Variants in DPF1 observed in about 807,000 individuals in gnomAD.
The protein encoded by DPF1 is double PHD fingers 1, also known as zinc finger protein neuro-d4.
DPF1 carries 14 observed loss-of-function variants against 58.7 expected under a neutral mutation model. The ratio of observed to expected loss-of-function variants is 0.24; its 90% CI spans 0.16 to 0.37. The LOEUF (loss-of-function observed/expected upper bound fraction) is 0.37, where lower values mean the gene tolerates loss of function less well. Ranked by LOEUF, DPF1 falls within the 10% of genes least tolerant of loss-of-function variation. DPF1 has a pLI of 1.00. For missense variants in DPF1, 345 were observed against 529.9 expected, an observed-to-expected ratio of 0.65 and a Z score of 3.43; for synonymous variants, 216 against 216.0, an observed-to-expected ratio of 1.00 and a Z score of 0.00.
At position 38,222,161 on chromosome 19, in the gene DPF1, AG is replaced by A. The variant is rs1373794020; in HGVS notation, c.298+195del. 6.6e-6 allele frequency among the ~76,000 whole-genome samples: 1 copy of A among 152,136 alleles called. No homozygotes were observed. Among genetic ancestry groups the A allele is most frequent in the Non-Finnish European group, 1.5e-5 (1 of 68,022 alleles). On this transcript the variant is annotated intron_variant, in intron 3 of 11. Coordinates refer to ENST00000355526, the MANE Select transcript of DPF1 (RefSeq NM_001135155.3). The surrounding 1 kb of genome is among the most constrained non-coding windows in gnomAD (Gnocchi z 4.9). Reference sequence around the variant, plus strand: ...AACAACTGGGCACCTGGGCCCATGTAGGAGGAGATGCAGTCGCCACTCAGTG... The same window carrying A: ...AACAACTGGGCACCTGGGCCCATGTAGAGGAGATGCAGTCGCCACTCAGTG...
intron 1 of DPF1, 182 bp downstream of exon 1, chr19:38,223,932 G>C (rs1226059092): frequency 4.0e-6 from 3 of 756,882 alleles, no homozygotes; most frequent in Non-Finnish European, 1.8e-6. Flanking sequence ...GCCAGGGAGC[G>C]GTGCATCCGA....
In DPF1 at chr19:38,216,279, C is replaced by A; in HGVS notation, c.779-20G>T. On this transcript the variant is annotated intron_variant, in intron 8 of 11. Transcript: ENST00000355526. ...TCTTGGCTGCAAGACAGCAGACAGG[C>A]ATTGGCACGGGGCAGGCAAGGGCAC... 6.2e-7 allele frequency: 1 copy of A among 1,613,628 alleles called. No individual in the cohort carries two copies. Among genetic ancestry groups the A allele is most frequent in the Non-Finnish European group, 8.5e-7 (1 of 1,179,680 alleles).
intron 7 of DPF1, 113 bp downstream of exon 7, chr19:38,217,347 T>C (rs1967096853): frequency 7.2e-7 from 1 of 1,393,060 alleles, no homozygotes; most frequent in South Asian, 1.4e-5. Flanking sequence ...AGGGAACGGC[T>C]GAGCTGGAGA....
At chr19:38,224,939 T>A (rs954660558), upstream of DPF1, among the ~76,000 whole-genome samples, 6 of 152,140 alleles carry the variant, frequency 3.9e-5, no homozygotes, top group African/African-American at 1.4e-4. This position sits in a 1 kb window ranked among gnomAD's most constrained non-coding sequence, Gnocchi z 4.5. Flanking sequence ...TGAGTAAATA[T>A]AGGTAAAGCA....
chr19:38,217,385 AC>A (rs1967102539), intron 7 of DPF1, 74 bp downstream of exon 7: 5 of 194,952 alleles, frequency 2.6e-5, no homozygotes, highest in Non-Finnish European at 4.4e-5. Context: ...ATGCCCCCCC[AC>A]CCCCACCCCC....
chr19:38,225,370 C>T (rs1313176840), upstream of DPF1, among the ~76,000 whole-genome samples: 6 of 152,068 alleles, frequency 3.9e-5, no homozygotes, highest in Non-Finnish European at 8.8e-5. Flanking sequence ...AGTTTGAGAC[C>T]AACCTGGGCA....
At chr19:38,214,687 C>T (rs529428917) in intron 9 of DPF1, among the ~76,000 whole-genome samples, 24 of 152,246 alleles carry the variant, frequency 1.6e-4, no homozygotes, top group African/African-American at 5.8e-4. Context: ...GTTTTTGAAA[C>T]AAGGTCTCAC....
Position 38,211,733 on chromosome 19 carries a change from C to A in DPF1, c.*330G>T. On this transcript the variant is annotated 3_prime_UTR_variant, in exon 12 of 12. Transcript: ENST00000355526. The surrounding 1 kb of genome is among the most constrained non-coding windows in gnomAD (Gnocchi z 4.0). ...TTTTTTTTTAACTTTTTGTCTTTTTCTTTAGAAAAAGGCTCTGTCCATGCC... is the reference window on the plus strand; with the variant it reads ...TTTTTTTTTAACTTTTTGTCTTTTTATTTAGAAAAAGGCTCTGTCCATGCC... 18 of 244,616 alleles carry A rather than the reference C, an allele frequency of 7.4e-5. No individual in the cohort carries two copies. Among genetic ancestry groups the A allele is most frequent in the Non-Finnish European group, 1.1e-4 (15 of 130,486 alleles). 15.2% of individuals were successfully genotyped at this position (244,616 alleles called of 1,614,324 possible). A position where few individuals can be genotyped will look rare whatever the true frequency, so the allele number is the denominator to read the frequency against.
chr19:38,222,427 G>C lies in DPF1; in HGVS notation c.228C>G (p.Arg76=). The change falls in exon 3 of 12, where the codon CGC becomes CGG. Residue 76 remains arginine (R), a synonymous_variant. Coordinates refer to ENST00000355526, the MANE Select transcript of DPF1 (RefSeq NM_001135155.3). The surrounding 1 kb of genome is among the most constrained non-coding windows in gnomAD (Gnocchi z 4.9). Reference sequence around the variant, plus strand: ...TGAGTCTCCGTTTCTTCCTCCAACAGCGGGCGGGGTACGTGTAAATCTGTC... The same window carrying C: ...TGAGTCTCCGTTTCTTCCTCCAACACCGGGCGGGGTACGTGTAAATCTGTC... ...APGQIYTYPA[R]CWRKKRRLNI... is the part of the protein sequence containing the mutation. 6.3e-7 allele frequency: 1 copy of C among 1,586,848 alleles called. No homozygotes were observed. The highest frequency in any genetic ancestry group is 1.4e-5 in the African/African-American group (1 of 71,886).
intron 3 of DPF1, chr19:38,219,263 C>T (rs1179945675): frequency 9.1e-6 from 6 of 660,158 alleles, no homozygotes; most frequent in South Asian, 2.0e-5. Context: ...GCAGGAGACA[C>T]GGTCAGAACT....
At position 38,224,186 on chromosome 19, in the gene DPF1, G is replaced by T; in HGVS notation, c.-44C>A. On this transcript the variant is annotated 5_prime_UTR_variant, in exon 1 of 12. Coordinates refer to ENST00000355526, the MANE Select transcript of DPF1 (RefSeq NM_001135155.3). This position sits in a 1 kb window ranked among gnomAD's most constrained non-coding sequence, Gnocchi z 4.5. Reference sequence around the variant, plus strand: ...CCCCCAGCAGGTCCCCGCCGGGTCGGTCCTCCCAGCGGTCGGGCGGGCGCT... The same window carrying T: ...CCCCCAGCAGGTCCCCGCCGGGTCGTTCCTCCCAGCGGTCGGGCGGGCGCT... The T allele has an allele frequency of 7.0e-7, 1 of 1,419,154 alleles. No individual in the cohort carries two copies. The highest frequency in any genetic ancestry group is 9.2e-7 in the Non-Finnish European group (1 of 1,087,548). 87.9% of individuals were successfully genotyped at this position (1,419,154 alleles called of 1,614,324 possible).
At position 38,212,097 on chromosome 19, in the gene DPF1, T is replaced by C; in HGVS notation, c.1130A>G (p.Lys377Arg). Residue 377 changes from lysine to arginine, a missense_variant, in exon 12 of 12, where the codon AAG becomes AGG. Lys to Arg is a conservative substitution (Grantham distance 26). Coordinates refer to ENST00000355526, the MANE Select transcript of DPF1 (RefSeq NM_001135155.3). The part of the protein sequence containing the change: ...WSCHLCLRHL[K>R]EKASAYITLT ...GGTGATGTAAGCAGAAGCCTTTTCC[T>C]TCAGGTGCCGGAGACAGAGGTGACA... The C allele has an allele frequency of 1.2e-6, 2 of 1,612,416 alleles. No individual in the cohort carries two copies. Among genetic ancestry groups the C allele is most frequent in the South Asian group, 1.1e-5 (1 of 90,662 alleles).
At chr19:38,220,805 A>C (rs569271532) in intron 3 of DPF1, among the ~76,000 whole-genome samples, 2 of 152,240 alleles carry the variant, frequency 1.3e-5, no homozygotes, top group East Asian at 3.9e-4. Flanking sequence ...ACAGACAGGA[A>C]GAGACACAGC....
At chr19:38,213,866 A>T in intron 9 of DPF1, 110 bp from the exon 10 acceptor site, 1 of 886,220 alleles carries the variant, frequency 1.1e-6, no homozygotes. Context: ...TGACGCCAGG[A>T]TGAGCTGCCG....
At chr19:38,221,666 T>C (rs1967484974) in intron 3 of DPF1, among the ~76,000 whole-genome samples, 1 of 152,016 alleles carries the variant, frequency 6.6e-6, no homozygotes, top group African/African-American at 2.4e-5. Flanking sequence ...ACTGGGACCC[T>C]TGGTGGGGCA....
At chr19:38,219,128 G>A in intron 3 of DPF1, 70 bp from the exon 4 acceptor site, 2 of 1,585,886 alleles carry the variant, frequency 1.3e-6, no homozygotes, top group East Asian at 2.2e-5. Flanking sequence ...CTATGCAGGT[G>A]GGGGGACCAT....
intron 4 of DPF1, 61 bp from the exon 5 acceptor site, chr19:38,218,723 GGC>G: frequency 6.3e-7 from 1 of 1,588,252 alleles, no homozygotes; most frequent in Admixed American, 1.7e-5. Context: ...GCTTTTGAGG[GGC>G]TCTGGGCAAA....
At chr19:38,217,395 C>CCCCCGGGGG in intron 7 of DPF1, 65 bp downstream of exon 7, 2 of 1,150,382 alleles carry the variant, frequency 1.7e-6, no homozygotes, top group Non-Finnish European at 2.4e-6. Context: ...ACCCCCACCC[C>CCCCCGGGGG]CAGCTGGGCT....
intron 3 of DPF1, among the ~76,000 whole-genome samples, chr19:38,220,699 G>A (rs1271987890): frequency 6.6e-6 from 1 of 151,972 alleles, no homozygotes; most frequent in Non-Finnish European, 1.5e-5. Flanking sequence ...CCCTGGGGAA[G>A]ACACAGCCAG....
Sources: gnomAD v4.1 joint callset for allele counts (sites outside exome capture counted in the v4.1 genomes callset) on GRCh38, gnomAD v4.1.1 for gene constraint, Gnocchi (gnomAD v3.1) non-coding constraint, MANE v1.5 for transcripts, NCBI Gene and HGNC (gene_info 2026-07-23, HGNC 2026-07-21) for gene names.